GNG7: variants seen among roughly 807,000 people sequenced by gnomAD.
GNG7 encodes the protein guanine nucleotide-binding protein G(I)/G(S)/G(O) subunit gamma-7.
In GNG7, 1 loss-of-function variant was observed where a neutral mutation model predicts 4.0. That is an observed-to-expected ratio of 0.25 (90% CI 0.09 to 1.18). GNG7 has a LOEUF of 1.18. Among genes scored for constraint, GNG7 ranks in the 50% most tolerant of loss-of-function variants. The pLI is 0.50. For missense variants in GNG7, 86 were observed against 91.9 expected (o/e 0.94, Z 0.26); for synonymous variants, 34 against 36.9 (o/e 0.92, Z 0.29).
chr19:2,663,352 C>G lies in GNG7; in HGVS notation c.-134-17072G>C, dbSNP rs545440404. Among the ~76,000 whole-genome samples the G allele has an allele frequency of 9.9e-5, 15 of 151,862 alleles. 2 individuals carry two copies. The highest frequency in any genetic ancestry group is 1.3e-4 in the Admixed American group (2 of 15,234). On this transcript the variant is annotated intron_variant, in intron 1 of 4. Coordinates refer to ENST00000382159, the MANE Select transcript of GNG7 (RefSeq NM_052847.3). Reference sequence around the variant, plus strand: ...TCACCCTTTCTCTCTCTCTCCCCCCCCTCCTCTTTCTTCCCCAGTTCCCCA... The same window carrying G: ...TCACCCTTTCTCTCTCTCTCCCCCCGCTCCTCTTTCTTCCCCAGTTCCCCA...
At chr19:2,520,528 T>C (rs1978302485) in intron 4 of GNG7, 80 bp downstream of exon 4, 7 of 758,394 alleles carry the variant, frequency 9.2e-6, no homozygotes, top group Non-Finnish European at 1.6e-5. Context: ...GCCTCTGCCC[T>C]CCTGCCGAGC....
At chr19:2,598,265 GT>G (rs1981086936) in intron 2 of GNG7, among the ~76,000 whole-genome samples, 1 of 152,170 alleles carries the variant, frequency 6.6e-6, no homozygotes, top group Non-Finnish European at 1.5e-5. Context: ...GCTCATATCT[GT>G]TAATCCCAGC....
At chr19:2,673,903 T>C in intron 1 of GNG7, among the ~76,000 whole-genome samples, 1 of 152,196 alleles carries the variant, frequency 6.6e-6, no homozygotes, top group Admixed American at 6.5e-5. Context: ...AGGATACATT[T>C]GTGATAATTT....
intron 2 of GNG7, among the ~76,000 whole-genome samples, chr19:2,606,236 G>C (rs1024987436): frequency 6.6e-6 from 1 of 151,992 alleles, no homozygotes; most frequent in African/African-American, 2.4e-5. Context: ...AAAATTAGCT[G>C]GGCGTGGTGG....
chr19:2,632,539 A>G (rs1776136036), intron 2 of GNG7: 1 of 152,268 alleles, frequency 6.6e-6, no homozygotes, highest in Non-Finnish European at 1.5e-5. Context: ...TGGGAATTGT[A>G]AAAACAGCTG....
chr19:2,656,885 A>G (rs937127194), intron 1 of GNG7, among the ~76,000 whole-genome samples: 1 of 152,116 alleles, frequency 6.6e-6, no homozygotes, highest in Non-Finnish European at 1.5e-5. Flanking sequence ...AATGCCAGAA[A>G]CGAGTAAGTC....
At chr19:2,606,431 G>C (rs920681647) in intron 2 of GNG7, among the ~76,000 whole-genome samples, 1 of 151,958 alleles carries the variant, frequency 6.6e-6, no homozygotes, top group Non-Finnish European at 1.5e-5. Flanking sequence ...GAGGTGGGCA[G>C]ATCACCTGAG....
At chr19:2,619,072 T>G (rs571816807) in intron 2 of GNG7, among the ~76,000 whole-genome samples, 3 of 152,212 alleles carry the variant, frequency 2.0e-5, no homozygotes, top group Non-Finnish European at 4.4e-5. Context: ...AGCTTATAAT[T>G]GCTATTTTAA....
intron 3 of GNG7, among the ~76,000 whole-genome samples, chr19:2,543,222 T>C (rs1352051314): frequency 2.7e-5 from 1 of 37,392 alleles, no homozygotes; most frequent in South Asian, 4.9e-4. Flanking sequence ...CCTGGCCTCC[T>C]TTTTTTTTTT....
chr19:2,560,739 T>C (rs1391258058), intron 2 of GNG7, among the ~76,000 whole-genome samples: 5 of 151,906 alleles, frequency 3.3e-5, no homozygotes, highest in Non-Finnish European at 7.4e-5. Context: ...GGTGGATCAC[T>C]TGATGTCAGG....
intron 2 of GNG7, among the ~76,000 whole-genome samples, chr19:2,637,310 T>C (rs934755587): frequency 1.3e-5 from 2 of 151,944 alleles, no homozygotes; most frequent in Non-Finnish European, 2.9e-5. Context: ...GGTGCTGGTT[T>C]TGTCATCAGG....
chr19:2,651,486 A>C (rs1157951820), intron 1 of GNG7, among the ~76,000 whole-genome samples: 8 of 106,642 alleles, frequency 7.5e-5, no homozygotes, highest in South Asian at 3.1e-4. Context: ...TCTCTCTCTT[A>C]CTCTCTTTCT....
chr19:2,540,598 C>T (rs1978928059), intron 3 of GNG7, among the ~76,000 whole-genome samples: 2 of 152,180 alleles, frequency 1.3e-5, no homozygotes, highest in South Asian at 4.1e-4. Flanking sequence ...GACAGCAGGC[C>T]TGGGGTGGTT....
At chr19:2,539,349 A>G (rs113758849) in intron 3 of GNG7, among the ~76,000 whole-genome samples, 371 of 148,112 alleles carry the variant, frequency 2.5e-3, no homozygotes, top group Middle Eastern at 0.014. Flanking sequence ...CTTGTCACCC[A>G]GGCTGGAGTA....
At chr19:2,622,583 CAGAG>C (rs1374600221) in intron 2 of GNG7, among the ~76,000 whole-genome samples, 1 of 129,800 alleles carries the variant, frequency 7.7e-6, no homozygotes, top group Non-Finnish European at 1.6e-5. Flanking sequence ...AGCAACGCGG[CAGAG>C]AGGGGGGCTT....
At chr19:2,516,352 G>A (rs1972734897) in intron 4 of GNG7, among the ~76,000 whole-genome samples, 1 of 152,000 alleles carries the variant, frequency 6.6e-6, no homozygotes, top group East Asian at 1.9e-4. Context: ...AGCCTCCTGA[G>A]TAGCTGGGAC....
In GNG7 at chr19:2,644,327, TTATATATATATA is replaced by T. The variant is rs56143197; in HGVS notation, c.-78+1885_-78+1896del. Among the ~76,000 whole-genome samples the T allele has an allele frequency of 5.5e-3, 633 of 114,078 alleles. 5 individuals carry two copies. The highest frequency in any genetic ancestry group is 0.011 in the South Asian group (37 of 3,402). The allele number at this position is 114,078 out of a possible 152,430, so 74.8% of individuals were successfully genotyped here. A position where few individuals can be genotyped will look rare whatever the true frequency, so the allele number is the denominator to read the frequency against. On this transcript the variant is annotated intron_variant, in intron 2 of 4. Coordinates refer to ENST00000382159, the MANE Select transcript of GNG7 (RefSeq NM_052847.3). ...TGAGCCACTGCACCCGGCCTACACTTTATATATATATATATATATATATATATATATATATAT... is the reference window on the plus strand; with the variant it reads ...TGAGCCACTGCACCCGGCCTACACTTTATATATATATATATATATATATAT...
chr19:2,538,188 G>T, intron 3 of GNG7: 2 of 456,740 alleles, frequency 4.4e-6, no homozygotes, highest in Non-Finnish European at 8.8e-6. Flanking sequence ...TTCTGACGAT[G>T]ATGACTTTAT....
chr19:2,528,860 G>T (rs1291965894), intron 3 of GNG7, among the ~76,000 whole-genome samples: 1 of 152,204 alleles, frequency 6.6e-6, no homozygotes, highest in East Asian at 1.9e-4. Context: ...GAGTCTGGCA[G>T]GCAGGAAGAG....
Sources: gnomAD v4.1 joint callset for allele counts (sites outside exome capture counted in the v4.1 genomes callset) on GRCh38, gnomAD v4.1.1 for gene constraint, MANE v1.5 for transcripts, NCBI Gene and HGNC (gene_info 2026-07-23, HGNC 2026-07-21) for gene names.